The following NLGN1 variants were observed in gnomAD, a reference collection of about 807,000 sequenced individuals.
NLGN1 encodes neuroligin-1.
In NLGN1, 12 loss-of-function variants were observed where a neutral mutation model predicts 65.5. That is an observed-to-expected ratio of 0.18 (90% CI 0.12 to 0.30). The LOEUF is 0.30. Among genes scored for constraint, NLGN1 ranks in the 10% least tolerant of loss-of-function variants. NLGN1 has a pLI of 1.00. For synonymous variants in NLGN1, 350 were observed against 359.5 expected, an observed-to-expected ratio of 0.97 and a Z score of 0.30; for missense variants, 750 against 1,007.1, an observed-to-expected ratio of 0.74 and a Z score of 3.46.
intron 4 of NLGN1, among the ~76,000 whole-genome samples, chr3:173,994,834 T>C (rs1721934923): frequency 6.6e-6 from 1 of 152,142 alleles, no homozygotes; most frequent in South Asian, 2.1e-4. Flanking sequence ...CTACAAAGTG[T>C]AAGGCAAGAC....
intron 4 of NLGN1, among the ~76,000 whole-genome samples, chr3:174,066,564 C>CTGTGTG (rs761468491): frequency 7.0e-5 from 7 of 100,102 alleles, no homozygotes; most frequent in East Asian, 3.5e-4. Flanking sequence ...CTCTCTCTCT[C>CTGTGTG]TGTGTGTGTG....
At chr3:173,595,738 G>C (rs1035716195) in intron 2 of NLGN1, among the ~76,000 whole-genome samples, 2 of 152,168 alleles carry the variant, frequency 1.3e-5, no homozygotes, top group Non-Finnish European at 2.9e-5. Flanking sequence ...CACACTGCTG[G>C]GGAGGCCTCA....
intron 3 of NLGN1, among the ~76,000 whole-genome samples, chr3:173,675,777 GC>G (rs1763046059): frequency 6.6e-6 from 1 of 151,786 alleles, no homozygotes; most frequent in South Asian, 2.1e-4. Context: ...CTTGACTCTT[GC>G]GGTGGACACA....
At chr3:173,509,543 G>C (rs1413108269) in intron 2 of NLGN1, among the ~76,000 whole-genome samples, 1 of 152,136 alleles carries the variant, frequency 6.6e-6, no homozygotes, top group Non-Finnish European at 1.5e-5. Context: ...AGCTTGGGAA[G>C]TTGAAGCTCC....
intron 4 of NLGN1, among the ~76,000 whole-genome samples, chr3:173,991,528 C>T (rs1218298853): frequency 1.3e-5 from 2 of 152,120 alleles, no homozygotes; most frequent in Non-Finnish European, 2.9e-5. Context: ...GTCTATTGAG[C>T]ACTTGATATG....
intron 4 of NLGN1, among the ~76,000 whole-genome samples, chr3:173,871,774 A>G (rs1275627314): frequency 6.6e-6 from 1 of 152,146 alleles, no homozygotes; most frequent in African/African-American, 2.4e-5. Context: ...AGAATGGTCT[A>G]GACAGAGGCC....
intron 2 of NLGN1, among the ~76,000 whole-genome samples, chr3:173,457,481 T>C (rs1385713948): frequency 6.6e-6 from 1 of 152,038 alleles, no homozygotes; most frequent in African/African-American, 2.4e-5. Flanking sequence ...CAAGTCCAGA[T>C]CATTTAGGTT....
intron 2 of NLGN1, among the ~76,000 whole-genome samples, 165 bp from the exon 2 acceptor site, chr3:173,604,110 CAGTT>C (rs1489640350): frequency 2.0e-5 from 3 of 152,116 alleles, no homozygotes; most frequent in Non-Finnish European, 4.4e-5. Flanking sequence ...ATCTTATAAT[CAGTT>C]AGTTTACTTG....
intron 4 of NLGN1, among the ~76,000 whole-genome samples, chr3:174,272,232 G>A (rs769652452): frequency 5.3e-5 from 8 of 151,656 alleles, no homozygotes; most frequent in Non-Finnish European, 1.0e-4. Flanking sequence ...CTATAGTTGA[G>A]CACTTCAATG....
upstream of NLGN1, chr3:173,397,925 C>T: frequency 6.6e-6 from 1 of 152,330 alleles, no homozygotes; most frequent in Non-Finnish European, 1.5e-5. Flanking sequence ...AGCGACTGTG[C>T]GGCGCTCACG....
At chr3:173,539,927 G>A (rs1738536603) in intron 2 of NLGN1, among the ~76,000 whole-genome samples, 1 of 148,580 alleles carries the variant, frequency 6.7e-6, no homozygotes, top group Non-Finnish European at 1.5e-5. Context: ...ATACGTGTGT[G>A]TGTGTGTGTG....
chr3:173,489,759 T>G (rs1728793728), intron 2 of NLGN1, among the ~76,000 whole-genome samples: 2 of 151,802 alleles, frequency 1.3e-5, no homozygotes, highest in African/African-American at 4.9e-5. Flanking sequence ...GTTTCCTGAC[T>G]TTTTAATGAT....
intron 2 of NLGN1, among the ~76,000 whole-genome samples, chr3:173,491,328 C>T (rs1454095334): frequency 6.6e-6 from 1 of 151,764 alleles, no homozygotes; most frequent in Non-Finnish European, 1.5e-5. Flanking sequence ...TTGTCAAAGG[C>T]CTTTTCTGCA....
chr3:173,791,948 T>A (rs1712873227), intron 3 of NLGN1, among the ~76,000 whole-genome samples: 1 of 152,168 alleles, frequency 6.6e-6, no homozygotes, highest in Non-Finnish European at 1.5e-5. Context: ...ACATGACCAC[T>A]GGATTCCAAG....
chr3:173,701,092 G>A (rs1490389040), intron 3 of NLGN1, among the ~76,000 whole-genome samples: 1 of 152,068 alleles, frequency 6.6e-6, no homozygotes, highest in Non-Finnish European at 1.5e-5. Flanking sequence ...GCCACCCACT[G>A]CACTCCAGCC....
intron 2 of NLGN1, among the ~76,000 whole-genome samples, chr3:173,435,998 T>C (rs1196500456): frequency 2.6e-5 from 4 of 152,190 alleles, no homozygotes; most frequent in Admixed American, 2.0e-4. Context: ...CTCTGTTCTT[T>C]GTAACTAAAC....
intron 2 of NLGN1, among the ~76,000 whole-genome samples, chr3:173,573,776 TGAAAAGG>T (rs1331933788): frequency 2.0e-5 from 3 of 151,054 alleles, no homozygotes; most frequent in African/African-American, 7.3e-5. Context: ...CAAAAAAAGA[TGAAAAGG>T]CCGGGCGCGG....
At chr3:173,796,386 AC>A (rs1237198572) in intron 3 of NLGN1, among the ~76,000 whole-genome samples, 1 of 152,078 alleles carries the variant, frequency 6.6e-6, no homozygotes, top group African/African-American at 2.4e-5. Context: ...CACGTCCTTT[AC>A]CAGAACCCAT....
At chr3:173,849,428 G>C (rs1726452946) in intron 4 of NLGN1, among the ~76,000 whole-genome samples, 1 of 152,112 alleles carries the variant, frequency 6.6e-6, no homozygotes, top group East Asian at 1.9e-4. Context: ...CATGGGACAA[G>C]TTAGGCAAAA....
Sources: gnomAD v4.1 joint callset for allele counts (sites outside exome capture counted in the v4.1 genomes callset) on GRCh38, gnomAD v4.1.1 for gene constraint, MANE v1.5 for transcripts, NCBI Gene and HGNC (gene_info 2026-07-23, HGNC 2026-07-21) for gene names.